Variants in TLE1 observed in about 807,000 individuals in gnomAD.
TLE1 encodes transducin-like enhancer protein 1.
A neutral mutation model predicts 89.8 loss-of-function variants in TLE1; 21 were observed. The observed-to-expected ratio is 0.23, with a 90% CI of 0.17 to 0.34. TLE1 has a LOEUF of 0.34. Among genes scored for constraint, TLE1 ranks in the 10% least tolerant of loss-of-function variants. The pLI is 1.00. For synonymous variants in TLE1, 447 were observed against 407.6 expected, an observed-to-expected ratio of 1.10 and a Z score of -1.16; for missense variants, 795 against 1,031.2, an observed-to-expected ratio of 0.77 and a Z score of 3.14.
At chr9:81,648,088 A>G (rs1399063678) in intron 6 of TLE1, among the ~76,000 whole-genome samples, 2 of 152,080 alleles carry the variant, frequency 1.3e-5, no homozygotes, top group Non-Finnish European at 2.9e-5. Flanking sequence ...CCTGGCCAAC[A>G]TGGTGAAACC....
intron 4 of TLE1, among the ~76,000 whole-genome samples, chr9:81,664,721 T>A (rs79050052): frequency 2.0e-5 from 3 of 146,608 alleles, no homozygotes; most frequent in Non-Finnish European, 4.5e-5. Context: ...AAAAAAAAAA[T>A]AAGTGAGGTA....
intron 9 of TLE1, among the ~76,000 whole-genome samples, chr9:81,619,712 A>G (rs922048972): frequency 3.3e-5 from 5 of 152,222 alleles, no homozygotes; most frequent in African/African-American, 9.6e-5. Flanking sequence ...CAAGTCATAC[A>G]TCGGCTGCAA....
intron 6 of TLE1, among the ~76,000 whole-genome samples, chr9:81,636,959 C>T (rs897137445): frequency 5.9e-4 from 88 of 149,776 alleles, no homozygotes; most frequent in African/African-American, 2.0e-3. Context: ...GCTGAGATCA[C>T]GCCACTGTAC....
At chr9:81,593,672 T>A (rs1028855132) in intron 14 of TLE1, among the ~76,000 whole-genome samples, 2 of 152,198 alleles carry the variant, frequency 1.3e-5, no homozygotes, top group East Asian at 3.9e-4. Context: ...TTGTTTTCCC[T>A]GCTAAAGATG....
chr9:81,586,172 C>T (rs1192049848), intron 17 of TLE1, among the ~76,000 whole-genome samples: 2 of 152,070 alleles, frequency 1.3e-5, no homozygotes, highest in Non-Finnish European at 2.9e-5. Context: ...CGCCCACCAC[C>T]ACGCCCGGCT....
At position 81,587,958 on chromosome 9, in the gene TLE1, G is replaced by A; in HGVS notation, c.1830-130C>T. 3.0e-6 allele frequency: 3 copies of A among 996,918 alleles called. No homozygotes were observed. The South Asian group carries it at 5.6e-5, about 18-fold the overall frequency. The allele number at this position is 996,918 out of a possible 1,614,324, so 61.8% of individuals were successfully genotyped here. The stretch of plus-strand genomic sequence containing the variant: ...TGTGTGTGTGTGTGATCCCGCCAGT[G>A]TCTGCTGATGTGCAAGATCAAACTA... On this transcript the variant is annotated intron_variant, in intron 16 of 19. Transcript: ENST00000376499.
rs974760165 is a variant in TLE1 at position 81,584,234 on chromosome 9, C to T, written c.2277G>A (p.Gly759=). ...VDDKYIVTGS[G]DKKATVYEVI... Reference sequence around the variant, plus strand: ...CTTCATAGACTGTAGCCTTCTTGTCCCCCGAGCCAGTGACTATGTACTTAT... The same window carrying T: ...CTTCATAGACTGTAGCCTTCTTGTCTCCCGAGCCAGTGACTATGTACTTAT... The change falls in exon 20 of 20, where the codon GGG becomes GGA. Residue 759 remains glycine (G), a synonymous_variant. Coordinates refer to ENST00000376499, the MANE Select transcript of TLE1 (RefSeq NM_005077.5). 1 of 1,614,130 alleles carries T rather than the reference C, an allele frequency of 6.2e-7. No individual in the cohort carries two copies. The highest frequency in any genetic ancestry group is 8.5e-7 in the Non-Finnish European group (1 of 1,180,028).
intron 5 of TLE1, among the ~76,000 whole-genome samples, chr9:81,653,517 G>T (rs1454711364): frequency 2.0e-5 from 3 of 152,066 alleles, no homozygotes; most frequent in Non-Finnish European, 4.4e-5. Flanking sequence ...AATGTATTTT[G>T]GACTATTATC....
chr9:81,590,244 G>A (rs1482101284), intron 16 of TLE1, among the ~76,000 whole-genome samples: 2 of 152,246 alleles, frequency 1.3e-5, no homozygotes, highest in Non-Finnish European at 2.9e-5. Flanking sequence ...TGCAGCTGCT[G>A]CTAAGGTGAC....
intron 19 of TLE1, 46 bp downstream of exon 19, chr9:81,584,402 G>A (rs368173587): frequency 5.0e-6 from 8 of 1,611,316 alleles, no homozygotes; most frequent in East Asian, 2.2e-5. Context: ...CTTCAGAGGC[G>A]ACACTGTGGT....
chr9:81,623,708 T>C (rs940201619), intron 8 of TLE1, among the ~76,000 whole-genome samples: 2 of 151,568 alleles, frequency 1.3e-5, no homozygotes, highest in African/African-American at 4.9e-5. Context: ...AAGAATCACT[T>C]GAACCTGGGA....
chr9:81,607,173 T>C (rs983444423), intron 14 of TLE1, among the ~76,000 whole-genome samples: 3 of 152,098 alleles, frequency 2.0e-5, no homozygotes, highest in East Asian at 3.9e-4. Flanking sequence ...CCCGACATAG[T>C]ATCACAACAT....
At chr9:81,613,598 G>A (rs896441178) in intron 11 of TLE1, 77 bp from the exon 12 acceptor site, 46 of 1,533,096 alleles carry the variant, frequency 3.0e-5, no homozygotes, top group Non-Finnish European at 3.6e-5. Context: ...AACAGCAGCT[G>A]GGACACTGGG....
chr9:81,585,141 C>T (rs1440442138), intron 18 of TLE1, among the ~76,000 whole-genome samples: 1 of 152,148 alleles, frequency 6.6e-6, no homozygotes, highest in Non-Finnish European at 1.5e-5. Context: ...ACTTCTCTAA[C>T]CCTGGATTCC....
At chr9:81,607,958 T>C (rs1831908504) in intron 14 of TLE1, among the ~76,000 whole-genome samples, 1 of 152,344 alleles carries the variant, frequency 6.6e-6, no homozygotes, top group South Asian at 2.1e-4. Context: ...AAACAGATAT[T>C]ATAATATATG....
intron 14 of TLE1, among the ~76,000 whole-genome samples, chr9:81,603,875 G>A (rs1831283910): frequency 6.6e-6 from 1 of 152,132 alleles, no homozygotes; most frequent in African/African-American, 2.4e-5. Context: ...GGCGGTGTAC[G>A]CTTGTAATCC....
At chr9:81,613,298 C>A in intron 12 of TLE1, 79 bp downstream of exon 12, 3 of 1,552,320 alleles carry the variant, frequency 1.9e-6, no homozygotes, top group Admixed American at 3.9e-5. Flanking sequence ...AGGGCAATTG[C>A]GTCACAACAT....
At chr9:81,637,921 T>C (rs978236171) in intron 6 of TLE1, among the ~76,000 whole-genome samples, 1 of 152,178 alleles carries the variant, frequency 6.6e-6, no homozygotes, top group Non-Finnish European at 1.5e-5. Context: ...AGAGGCTTGC[T>C]ACAGGGCTCA....
rs770500621 is a variant in TLE1 at position 81,585,493 on chromosome 9, G to A, written c.2128+12C>T. On this transcript the variant is annotated intron_variant, in intron 18 of 19. Coordinates refer to ENST00000376499, the MANE Select transcript of TLE1 (RefSeq NM_005077.5). ...CATCAACGGCCTCCAGTTTCCTTTC[G>A]GCTGAACTCACCACAGTAAGCAAAT... 25 of 1,609,172 alleles carry A rather than the reference G, an allele frequency of 1.6e-5. No homozygotes were observed. The highest frequency in any genetic ancestry group is 6.7e-5 in the African/African-American group (5 of 74,722).
Sources: allele counts gnomAD v4.1 joint callset (sites outside exome capture counted in the v4.1 genomes callset), GRCh38; gene constraint gnomAD v4.1.1; transcripts MANE v1.5; gene names NCBI Gene and HGNC (gene_info 2026-07-23, HGNC 2026-07-21).